The following CYSLTR2 variants were observed in gnomAD, a reference collection of about 807,000 sequenced individuals.
The protein encoded by CYSLTR2 is G-protein coupled receptor GPCR21.
For synonymous variants in CYSLTR2, 179 were observed against 160.8 expected (o/e 1.11, Z -0.86); for missense variants, 398 against 411.9 (o/e 0.97, Z 0.29).
chr13:48,655,992 G>C (rs1952987913), intron 1 of CYSLTR2, among the ~76,000 whole-genome samples: 1 of 151,994 alleles, frequency 6.6e-6, no homozygotes, highest in African/African-American at 2.4e-5. Flanking sequence ...ATCATGACAC[G>C]AAATAAGAAA....
intron 3 of CYSLTR2, among the ~76,000 whole-genome samples, chr13:48,695,805 C>T (rs1954170162): frequency 6.6e-6 from 1 of 152,214 alleles, no homozygotes; most frequent in Non-Finnish European, 1.5e-5. Context: ...CACTGTTTAA[C>T]TATTGAAGGC....
chr13:48,674,066 A>G (rs1033927166), intron 1 of CYSLTR2, among the ~76,000 whole-genome samples: 3 of 151,662 alleles, frequency 2.0e-5, no homozygotes, highest in African/African-American at 7.3e-5. Context: ...TTTTTCCTTC[A>G]CTTCAGCCCT....
intron 1 of CYSLTR2, among the ~76,000 whole-genome samples, chr13:48,672,363 G>A (rs557180041): frequency 6.6e-6 from 1 of 151,974 alleles, no homozygotes; most frequent in Non-Finnish European, 1.5e-5. Context: ...TCTTATAATT[G>A]TGATGTTAGG....
intron 3 of CYSLTR2, among the ~76,000 whole-genome samples, chr13:48,695,231 C>G (rs751035901): frequency 6.6e-6 from 1 of 151,554 alleles, no homozygotes; most frequent in Admixed American, 6.6e-5. Context: ...TGCGCCACCA[C>G]GCCCAGCTAA....
At chr13:48,673,932 G>T (rs1198775436) in intron 1 of CYSLTR2, among the ~76,000 whole-genome samples, 3 of 152,166 alleles carry the variant, frequency 2.0e-5, no homozygotes, top group African/African-American at 7.2e-5. Flanking sequence ...TTTTCTTTAA[G>T]AATGTTGAAT....
intron 3 of CYSLTR2, among the ~76,000 whole-genome samples, chr13:48,694,286 A>C (rs1445842985): frequency 6.6e-6 from 1 of 152,370 alleles, no homozygotes; most frequent in South Asian, 2.1e-4. Context: ...GTTTGTCTAA[A>C]GCATGTCAGT....
chr13:48,657,837 G>A (rs1163768703), intron 1 of CYSLTR2, among the ~76,000 whole-genome samples: 4 of 150,594 alleles, frequency 2.7e-5, no homozygotes, highest in African/African-American at 7.3e-5. Context: ...TTTTAAATTT[G>A]TATAAATTTA....
At chr13:48,659,993 A>G (rs916213311) in intron 1 of CYSLTR2, among the ~76,000 whole-genome samples, 1 of 152,230 alleles carries the variant, frequency 6.6e-6, no homozygotes, top group Admixed American at 6.5e-5. Context: ...TAATGTTTTT[A>G]AACAAAATGA....
chr13:48,703,086 T>C (rs1407502122), intron 4 of CYSLTR2, among the ~76,000 whole-genome samples: 1 of 152,186 alleles, frequency 6.6e-6, no homozygotes, highest in Non-Finnish European at 1.5e-5. Context: ...TGTGCTCATA[T>C]GTGTATTACT....
intron 1 of CYSLTR2, among the ~76,000 whole-genome samples, chr13:48,671,915 T>A (rs889441578): frequency 2.0e-5 from 3 of 152,094 alleles, no homozygotes; most frequent in African/African-American, 7.2e-5. Flanking sequence ...CCTGGATTTT[T>A]TTTTTTTGGT....
In CYSLTR2 at chr13:48,708,982, T is replaced by C. The variant is rs553492663; in HGVS notation, c.*1124T>C. ...GAATGCAGTCTCCCTGCAGGGCAGA[T>C]TATGCCAGGCACTTTACATTTGTTG... is the stretch of plus-strand genomic sequence containing the variant. On this transcript the variant is annotated 3_prime_UTR_variant, in exon 5 of 5. Transcript: ENST00000682523. 1 of 167,240 alleles carries C rather than the reference T, an allele frequency of 6.0e-6. No homozygotes were observed. The highest frequency in any genetic ancestry group is 1.5e-5 in the Non-Finnish European group (1 of 68,114). 10.4% of individuals were successfully genotyped at this position (167,240 alleles called of 1,614,324 possible). A position where few individuals can be genotyped will look rare whatever the true frequency, so the allele number is the denominator to read the frequency against.
chr13:48,665,584 G>A (rs1426018507), intron 1 of CYSLTR2, among the ~76,000 whole-genome samples: 1 of 151,798 alleles, frequency 6.6e-6, no homozygotes, highest in Non-Finnish European at 1.5e-5. Flanking sequence ...TCTTTTTACA[G>A]CTTAACCCAA....
intron 4 of CYSLTR2, among the ~76,000 whole-genome samples, chr13:48,702,823 A>C (rs965438555): frequency 6.6e-6 from 1 of 152,228 alleles, no homozygotes; most frequent in African/African-American, 2.4e-5. Flanking sequence ...ATCTATATCT[A>C]CAAAAAAACT....
intron 2 of CYSLTR2, among the ~76,000 whole-genome samples, chr13:48,691,993 A>G (rs1954051210): frequency 6.6e-6 from 1 of 152,182 alleles, no homozygotes; most frequent in African/African-American, 2.4e-5. Flanking sequence ...CATAGATGAC[A>G]AAACAAATCT....
intron 1 of CYSLTR2, among the ~76,000 whole-genome samples, chr13:48,662,422 G>A (rs1310507610): frequency 2.0e-5 from 3 of 152,118 alleles, no homozygotes; most frequent in South Asian, 2.1e-4. Flanking sequence ...AGTTTCTTGA[G>A]GAACCTCCAT....
chr13:48,673,200 T>C (rs965207134), intron 1 of CYSLTR2, among the ~76,000 whole-genome samples: 40 of 152,126 alleles, frequency 2.6e-4, no homozygotes, highest in African/African-American at 8.0e-4. Flanking sequence ...ATATTGACAG[T>C]GGGGTGTTAA....
intron 1 of CYSLTR2, among the ~76,000 whole-genome samples, chr13:48,673,294 T>C (rs1444802942): frequency 6.6e-6 from 1 of 152,196 alleles, no homozygotes; most frequent in African/African-American, 2.4e-5. Context: ...TGCTCCTGTA[T>C]TGGGTGCATA....
At chr13:48,658,268 C>G (rs1205867230) in intron 1 of CYSLTR2, among the ~76,000 whole-genome samples, 2 of 152,112 alleles carry the variant, frequency 1.3e-5, no homozygotes, top group African/African-American at 4.8e-5. Flanking sequence ...GACCATTTAC[C>G]CTATATTCCT....
chr13:48,669,387 C>T lies in CYSLTR2; in HGVS notation c.-266+15370C>T, dbSNP rs562772489. ...TTGTTTGCTGCACTCATCAACCCAT[C>T]CTCTACATTAGGTATTTCTCCTAAT... On this transcript the variant is annotated intron_variant, in intron 1 of 4. Coordinates refer to ENST00000682523, the MANE Select transcript of CYSLTR2 (RefSeq NM_001308476.3). Among the ~76,000 whole-genome samples the T allele has an allele frequency of 5.3e-5, 8 of 152,178 alleles. No homozygotes were observed. The South Asian group carries it at 1.5e-3, about 28-fold the overall frequency.
Sources: gnomAD v4.1 joint callset for allele counts (sites outside exome capture counted in the v4.1 genomes callset) on GRCh38, gnomAD v4.1.1 for gene constraint, MANE v1.5 for transcripts, NCBI Gene and HGNC (gene_info 2026-07-23, HGNC 2026-07-21) for gene names.